The following DCAF6 variants were observed in gnomAD, a reference collection of about 807,000 sequenced individuals.
DCAF6 encodes DDB1 and CUL4 associated factor 6.
DCAF6 carries 54 observed loss-of-function variants against 125.1 expected under a neutral mutation model. The observed-to-expected ratio is 0.43, with a 90% confidence interval of 0.35 to 0.54. The LOEUF (loss-of-function observed/expected upper bound fraction) is 0.54, where lower values mean the gene tolerates loss of function less well. DCAF6 is among the 20% of genes least tolerant of loss of function. The pLI is 0.01. For missense variants in DCAF6, 934 were observed against 1,161.7 expected (o/e 0.80, Z 2.85); for synonymous variants, 371 against 390.4 (o/e 0.95, Z 0.58).
At chr1:167,996,688 C>G (rs1557950508) in intron 7 of DCAF6, among the ~76,000 whole-genome samples, 1 of 152,148 alleles carries the variant, frequency 6.6e-6, no homozygotes, top group Non-Finnish European at 1.5e-5. Context: ...ATTATCTGGT[C>G]CTAATTATTA....
At chr1:168,009,368 TTCC>T (rs1198064411) in intron 10 of DCAF6, among the ~76,000 whole-genome samples, 7 of 141,932 alleles carry the variant, frequency 4.9e-5, no homozygotes, top group African/African-American at 1.7e-4. Context: ...CCTTCCTTCC[TTCC>T]TTCCTTCCTT....
chr1:167,975,978 C>T (rs1678092715), intron 4 of DCAF6, among the ~76,000 whole-genome samples: 2 of 152,046 alleles, frequency 1.3e-5, no homozygotes, highest in Admixed American at 6.6e-5. Context: ...TTTATGTCCT[C>T]ATGTTTTTGT....
intron 7 of DCAF6, among the ~76,000 whole-genome samples, chr1:168,000,839 C>T (rs746475534): frequency 6.6e-6 from 1 of 151,534 alleles, no homozygotes; most frequent in African/African-American, 2.4e-5. Context: ...AGGAGCTGAG[C>T]AGAGGGATGA....
At chr1:168,066,673 TATTC>T (rs146059344) in intron 20 of DCAF6, among the ~76,000 whole-genome samples, 1,707 of 152,252 alleles carry the variant, frequency 0.011, 28 homozygotes, top group African/African-American at 0.037. Flanking sequence ...CTAATTATAA[TATTC>T]ATCATCGGTA....
At chr1:168,046,175 C>A (rs764418661) in intron 16 of DCAF6, among the ~76,000 whole-genome samples, 37 of 152,036 alleles carry the variant, frequency 2.4e-4, no homozygotes, top group Non-Finnish European at 4.3e-4. Flanking sequence ...CTTAATGACT[C>A]TTAAAGATTC....
the DCAF6 span, among the ~76,000 whole-genome samples, chr1:167,909,600 T>C: frequency 6.6e-6 from 1 of 152,168 alleles, no homozygotes; most frequent in South Asian, 2.1e-4. Context: ...GTTAGTATTA[T>C]TTTATGTGTG....
At chr1:167,908,399 G>T in the DCAF6 span, among the ~76,000 whole-genome samples, 1 of 152,114 alleles carries the variant, frequency 6.6e-6, no homozygotes, top group South Asian at 2.1e-4. Flanking sequence ...TGAGGCTGGG[G>T]TTGGGTGGGT....
chr1:167,969,977 A>G (rs1307596715), intron 3 of DCAF6, among the ~76,000 whole-genome samples: 1 of 152,144 alleles, frequency 6.6e-6, no homozygotes, highest in Non-Finnish European at 1.5e-5. Flanking sequence ...GGGTTTCACC[A>G]TGTTGGCCAG....
At chr1:168,066,334 C>A (rs1338636976) in intron 19 of DCAF6, 43 bp from the exon 20 acceptor site, 2 of 1,320,984 alleles carry the variant, frequency 1.5e-6, no homozygotes, top group Non-Finnish European at 2.1e-6. Context: ...TCCTGAATTG[C>A]ATGTTTCTAG....
chr1:168,055,159 G>A (rs1219186626), intron 17 of DCAF6, among the ~76,000 whole-genome samples: 2 of 151,946 alleles, frequency 1.3e-5, no homozygotes, highest in Non-Finnish European at 2.9e-5. Context: ...CATACCCACA[G>A]TAACTTTGAT....
intron 17 of DCAF6, among the ~76,000 whole-genome samples, chr1:168,054,293 C>T (rs1572114685): frequency 6.6e-6 from 1 of 152,184 alleles, no homozygotes; most frequent in South Asian, 2.1e-4. Context: ...CTGGCAAGGA[C>T]TCTGCAGAGT....
At chr1:167,962,107 C>T (rs1241488155) in intron 2 of DCAF6, among the ~76,000 whole-genome samples, 1 of 151,926 alleles carries the variant, frequency 6.6e-6, no homozygotes, top group Non-Finnish European at 1.5e-5. Context: ...ATTTTAAGGC[C>T]TCAAGTGTGG....
chr1:167,879,671 C>A, the DCAF6 span, among the ~76,000 whole-genome samples: 1 of 151,924 alleles, frequency 6.6e-6, no homozygotes, highest in Non-Finnish European at 1.5e-5. Flanking sequence ...AATCTTAAAC[C>A]CTGATAGGAT....
chr1:167,879,395 C>T, the DCAF6 span, among the ~76,000 whole-genome samples: 1 of 152,084 alleles, frequency 6.6e-6, no homozygotes, highest in Non-Finnish European at 1.5e-5. Flanking sequence ...TTAACATAAA[C>T]TTGAATACTT....
the DCAF6 span, among the ~76,000 whole-genome samples, chr1:167,873,381 C>A: frequency 6.6e-6 from 1 of 152,172 alleles, no homozygotes; most frequent in Non-Finnish European, 1.5e-5. Flanking sequence ...TGTTGCCCTC[C>A]TTCAGGCTCT....
chr1:167,880,759 A>G, the DCAF6 span: 4 of 699,628 alleles, frequency 5.7e-6, no homozygotes, highest in South Asian at 4.5e-5. Flanking sequence ...TTTTTAGTAC[A>G]CTTCAAACAC....
chr1:167,876,423 A>C, the DCAF6 span, among the ~76,000 whole-genome samples: 2 of 152,284 alleles, frequency 1.3e-5, no homozygotes, highest in Non-Finnish European at 2.9e-5. Context: ...CCATAACACT[A>C]TCTCTTGAAG....
chr1:167,908,343 A>T, the DCAF6 span, among the ~76,000 whole-genome samples: 1 of 152,196 alleles, frequency 6.6e-6, no homozygotes. Flanking sequence ...TATATATGGA[A>T]TCTAAAAAAG....
At chr1:167,947,567 A>G (rs944881113) in intron 1 of DCAF6, among the ~76,000 whole-genome samples, 2 of 151,716 alleles carry the variant, frequency 1.3e-5, no homozygotes, top group Non-Finnish European at 2.9e-5. Flanking sequence ...TTGTGTTTAC[A>G]TTTTCATTTG....
Sources: allele counts gnomAD v4.1 joint callset (sites outside exome capture counted in the v4.1 genomes callset), GRCh38; gene constraint gnomAD v4.1.1; transcripts MANE v1.5; gene names NCBI Gene and HGNC (gene_info 2026-07-23, HGNC 2026-07-21).